Variants in WEE1 observed in about 807,000 individuals in gnomAD.
The protein encoded by WEE1 is WEE1 G2 checkpoint kinase, also known as wee1-like protein kinase.
A neutral mutation model predicts 68.8 loss-of-function variants in WEE1; 16 were observed. The ratio of observed to expected loss-of-function variants is 0.23; its 90% CI spans 0.16 to 0.35. WEE1 has a LOEUF of 0.35. Ranked by LOEUF, WEE1 falls within the 10% of genes least tolerant of loss-of-function variation. The pLI is 1.00. For synonymous variants in WEE1, 349 were observed against 318.7 expected, an observed-to-expected ratio of 1.09 and a Z score of -1.01; for missense variants, 651 against 824.1, an observed-to-expected ratio of 0.79 and a Z score of 2.57.
chr11:9,589,193 A>C lies in WEE1; in HGVS notation c.*591A>C. On this transcript the variant is annotated 3_prime_UTR_variant, in exon 11 of 11. Coordinates refer to ENST00000450114, the MANE Select transcript of WEE1 (RefSeq NM_003390.4). ...TTGCTGTAAACTTGTAGCATTAAAC[A>C]ATCATTGTTGTTAATAGGTCTTCTT... The C allele has an allele frequency of 1.0e-6, 1 of 985,810 alleles. No individual in the cohort carries two copies. The highest frequency in any genetic ancestry group is 1.2e-6 in the Non-Finnish European group (1 of 829,902). The allele number at this position is 985,810 out of a possible 1,614,324, so 61.1% of individuals were successfully genotyped here.
In WEE1 at chr11:9,585,342, T is replaced by A; in HGVS notation, c.1373T>A (p.Met458Lys). The change falls in exon 7 of 11, where the codon ATG becomes AAG. Residue 458 changes from methionine (M) to lysine (K), a missense_variant. This residue lies in a region of WEE1 where 82 missense variants were observed against 123.2 expected (regional missense o/e 0.67). Coordinates refer to ENST00000450114, the MANE Select transcript of WEE1 (RefSeq NM_003390.4). ...GATGATTGGGCATCCAACAAAGTTA[T>A]GTTTAAAATAGGTAAGAAAGGTAAT... is the stretch of plus-strand genomic sequence containing the variant. ...DEDDWASNKV[M>K]FKIGDLGHVT... The A allele has an allele frequency of 6.2e-7, 1 of 1,613,906 alleles. No homozygotes were observed. Among genetic ancestry groups the A allele is most frequent in the Non-Finnish European group, 8.5e-7 (1 of 1,179,902 alleles).
intron 8 of WEE1, 37 bp from the exon 9 acceptor site, chr11:9,586,412 G>T: frequency 6.4e-7 from 1 of 1,573,708 alleles, no homozygotes; most frequent in Non-Finnish European, 8.7e-7. Context: ...TTTTGACCAT[G>T]TTTACATTCC....
intron 5 of WEE1, chr11:9,579,653 AAG>A (rs1849603694): frequency 1.3e-5 from 2 of 152,238 alleles, no homozygotes; most frequent in Admixed American, 1.3e-4. Context: ...CCTGCTAAAA[AAG>A]AGAATTAGCC....
Position 9,588,618 on chromosome 11 carries a change from C to T in WEE1, c.*16C>T. On this transcript the variant is annotated 3_prime_UTR_variant, in exon 11 of 11. Coordinates refer to ENST00000450114, the MANE Select transcript of WEE1 (RefSeq NM_003390.4). ...TATATACTGAGCTACTCCTTTCCCA[C>T]CTCCCCCTGAACACTGTGACAAGAG... 6.5e-7 allele frequency: 1 copy of T among 1,540,484 alleles called. No individual in the cohort carries two copies. Among genetic ancestry groups the T allele is most frequent in the Non-Finnish European group, 8.7e-7 (1 of 1,149,626 alleles).
In WEE1 at chr11:9,589,809, G is replaced by T. The variant is rs1016249342; in HGVS notation, c.*1207G>T. ...TTTCTAATATTTTATCTCTATTATT[G>T]CTATACTATAAAATGTATAGTGTGT... is the stretch of plus-strand genomic sequence containing the variant. On this transcript the variant is annotated 3_prime_UTR_variant, in exon 11 of 11. Coordinates refer to ENST00000450114, the MANE Select transcript of WEE1 (RefSeq NM_003390.4). The T allele has an allele frequency of 1.4e-6, 1 of 719,496 alleles. No individual in the cohort carries two copies. Among genetic ancestry groups the T allele is most frequent in the Non-Finnish European group, 1.7e-6 (1 of 587,026 alleles). 44.6% of individuals were successfully genotyped at this position (719,496 alleles called of 1,614,324 possible).
At chr11:9,587,961 ATTAT>A (rs1849719764) in intron 10 of WEE1, among the ~76,000 whole-genome samples, 2 of 134,160 alleles carry the variant, frequency 1.5e-5, no homozygotes, top group African/African-American at 2.7e-5. Flanking sequence ...TTTTGAAATT[ATTAT>A]TTATTTTTAA....
chr11:9,585,879 G>A (rs1186945748), intron 8 of WEE1, among the ~76,000 whole-genome samples: 1 of 152,092 alleles, frequency 6.6e-6, no homozygotes, highest in Non-Finnish European at 1.5e-5. Flanking sequence ...ACAAATACAA[G>A]TTGAGAACAG....
intron 8 of WEE1, 106 bp from the exon 9 acceptor site, chr11:9,586,343 A>T: frequency 1.0e-6 from 1 of 980,272 alleles, no homozygotes; most frequent in Non-Finnish European, 1.5e-6. Context: ...GTGGTATTAG[A>T]CACTTTGATT....
rs556958930 is a variant in WEE1 at position 9,586,358 on chromosome 11, C to T, written c.1471-91C>T. Reference sequence around the variant, plus strand: ...GTGGTATTAGACACTTTGATTAAGTCCTATTTTTCACCTAAGTCATCTTTG... The same window carrying T: ...GTGGTATTAGACACTTTGATTAAGTTCTATTTTTCACCTAAGTCATCTTTG... On this transcript the variant is annotated intron_variant, in intron 8 of 10. Transcript: ENST00000450114. 41 of 1,184,350 alleles carry T rather than the reference C, an allele frequency of 3.5e-5. No individual in the cohort carries two copies. In the East Asian group the frequency reaches 9.3e-4, roughly 27 times the overall value. The allele number at this position is 1,184,350 out of a possible 1,614,324, so 73.4% of individuals were successfully genotyped here.
chr11:9,574,723 C>G lies in WEE1; in HGVS notation c.576+214C>G. On this transcript the variant is annotated intron_variant, in intron 1 of 10. Transcript: ENST00000450114. The surrounding 1 kb of genome is among the most constrained non-coding windows in gnomAD (Gnocchi z 4.9). ...CAATGGGCCTCGTCTGGAACTTCATCTTACAAAGGGGCCGATCGGCCCGTC... is the reference window on the plus strand; with the variant it reads ...CAATGGGCCTCGTCTGGAACTTCATGTTACAAAGGGGCCGATCGGCCCGTC... The G allele has an allele frequency of 9.4e-7, 1 of 1,061,464 alleles. No homozygotes were observed. The highest frequency in any genetic ancestry group is 1.1e-6 in the Non-Finnish European group (1 of 880,320). The allele number at this position is 1,061,464 out of a possible 1,614,324, so 65.8% of individuals were successfully genotyped here.
At chr11:9,581,281 G>C in intron 5 of WEE1, 3 of 387,172 alleles carry the variant, frequency 7.7e-6, no homozygotes, top group Non-Finnish European at 1.4e-5. Flanking sequence ...TTTACTCTGA[G>C]AAAGAAACAG....
intron 6 of WEE1, 69 bp downstream of exon 6, chr11:9,581,747 A>G: frequency 6.9e-7 from 1 of 1,439,628 alleles, no homozygotes; most frequent in Non-Finnish European, 9.4e-7. Flanking sequence ...CATTATGACA[A>G]CATTGAAAAA....
At chr11:9,584,069 C>T (rs1464088282) in intron 6 of WEE1, among the ~76,000 whole-genome samples, 1 of 151,470 alleles carries the variant, frequency 6.6e-6, no homozygotes, top group Non-Finnish European at 1.5e-5. Flanking sequence ...TGGTCTTGAA[C>T]TTCTGACCTC....
At chr11:9,582,317 C>T (rs112876587) in intron 6 of WEE1, among the ~76,000 whole-genome samples, 9 of 152,180 alleles carry the variant, frequency 5.9e-5, no homozygotes, top group African/African-American at 2.2e-4. Context: ...ATCCCTTTTT[C>T]TGGATTTGAC....
In WEE1 at chr11:9,589,487, C is replaced by G; in HGVS notation, c.*885C>G. 1.0e-6 allele frequency: 1 copy of G among 985,240 alleles called. No homozygotes were observed. The highest frequency in any genetic ancestry group is 1.2e-6 in the Non-Finnish European group (1 of 829,816). 61.0% of individuals were successfully genotyped at this position (985,240 alleles called of 1,614,324 possible). On this transcript the variant is annotated 3_prime_UTR_variant, in exon 11 of 11. Transcript: ENST00000450114. ...TTTTTAAATGTTTTGCCCGGTTTTTCTCTTCAATATTTGTGTATATAAACC... is the reference window on the plus strand; with the variant it reads ...TTTTTAAATGTTTTGCCCGGTTTTTGTCTTCAATATTTGTGTATATAAACC...
chr11:9,587,797 T>A (rs1342541590), intron 10 of WEE1, among the ~76,000 whole-genome samples: 1 of 152,142 alleles, frequency 6.6e-6, no homozygotes, highest in Admixed American at 6.5e-5. Flanking sequence ...TGTTAACAAT[T>A]AATATTAACA....
chr11:9,574,061 A>G lies in WEE1; in HGVS notation c.128A>G (p.Glu43Gly), dbSNP rs1319255800. 3.2e-6 allele frequency: 4 copies of G among 1,246,262 alleles called. No homozygotes were observed. Among genetic ancestry groups the G allele is most frequent in the South Asian group, 3.1e-5 (1 of 32,174 alleles). The allele number at this position is 1,246,262 out of a possible 1,614,324, so 77.2% of individuals were successfully genotyped here. A position where few individuals can be genotyped will look rare whatever the true frequency, so the allele number is the denominator to read the frequency against. ...GAGGAGGAAGAAGAGGAGGAGGAGG[A>G]GGGCAGCGGCCACAGCACCGGGGAG... ...CEEEEEEEEE[E>G]GSGHSTGEDS... Residue 43 changes from glutamate to glycine, a missense_variant, in exon 1 of 11, where the codon GAG (glutamate) becomes GGG (glycine). Transcript: ENST00000450114. This position sits in a 1 kb window ranked among gnomAD's most constrained non-coding sequence, Gnocchi z 4.9.
chr11:9,583,057 T>C (rs1234968963), intron 6 of WEE1, among the ~76,000 whole-genome samples: 1 of 152,122 alleles, frequency 6.6e-6, no homozygotes, highest in African/African-American at 2.4e-5. Context: ...GGCTGACGCC[T>C]GTAATCCCAG....
Position 9,573,835 on chromosome 11 carries a change from G to C in WEE1, c.-99G>C, listed in dbSNP as rs1442359492. On this transcript the variant is annotated 5_prime_UTR_variant, in exon 1 of 11. Coordinates refer to ENST00000450114, the MANE Select transcript of WEE1 (RefSeq NM_003390.4). ...AGAGACGCCGCGGCTGCGACTAGGCGCGCCCAGCCGCACGTGGCGGACCCG... is the reference window on the plus strand; with the variant it reads ...AGAGACGCCGCGGCTGCGACTAGGCCCGCCCAGCCGCACGTGGCGGACCCG... 9.5e-6 allele frequency: 10 copies of C among 1,049,046 alleles called. No individual in the cohort carries two copies. The South Asian group carries it at 4.7e-4, about 49-fold the overall frequency. 65.0% of individuals were successfully genotyped at this position (1,049,046 alleles called of 1,614,324 possible).
Sources: allele counts gnomAD v4.1 joint callset (sites outside exome capture counted in the v4.1 genomes callset), GRCh38; gene constraint gnomAD v4.1.1; regional missense constraint gnomAD v4.1.1; non-coding constraint Gnocchi (gnomAD v3.1); transcripts MANE v1.5; gene names NCBI Gene and HGNC (gene_info 2026-07-23, HGNC 2026-07-21).